The following NALF1 variants were observed in gnomAD, a reference collection of about 807,000 sequenced individuals.
The protein encoded by NALF1 is family with sequence similarity 155 member A.
A neutral mutation model predicts 48.4 loss-of-function variants in NALF1; 3 were observed. The observed-to-expected ratio is 0.06, with a 90% CI of 0.03 to 0.16. NALF1 has a LOEUF of 0.16. Among genes scored for constraint, NALF1 ranks in the 10% least tolerant of loss-of-function variants. NALF1 has a pLI of 1.00. For synonymous variants in NALF1, 262 were observed against 245.7 expected (o/e 1.07, Z -0.62); for missense variants, 526 against 571.5 (o/e 0.92, Z 0.81).
chr13:107,467,908 C>T (rs538625825), intron 1 of NALF1, among the ~76,000 whole-genome samples: 3 of 151,934 alleles, frequency 2.0e-5, no homozygotes, highest in Admixed American at 6.6e-5. Context: ...ATTAGCCGGG[C>T]GTGGTGGCGG....
chr13:107,232,912 T>C (rs1880257206), intron 1 of NALF1, among the ~76,000 whole-genome samples: 1 of 152,196 alleles, frequency 6.6e-6, no homozygotes, highest in African/African-American at 2.4e-5. Flanking sequence ...CCCATCTTTA[T>C]GGATACACGA....
chr13:107,775,743 CCA>C (rs1362520512), intron 1 of NALF1, among the ~76,000 whole-genome samples: 1 of 152,016 alleles, frequency 6.6e-6, no homozygotes, highest in African/African-American at 2.4e-5. Flanking sequence ...TTAATGATTG[CCA>C]TTTAATGAAT....
chr13:107,389,068 G>A (rs1818203850), intron 1 of NALF1, among the ~76,000 whole-genome samples: 1 of 152,160 alleles, frequency 6.6e-6, no homozygotes, highest in South Asian at 2.1e-4. Flanking sequence ...CCTTCCGGTG[G>A]TACCTGTGCT....
chr13:107,837,768 A>T (rs1315862263), intron 1 of NALF1, among the ~76,000 whole-genome samples: 2 of 152,126 alleles, frequency 1.3e-5, no homozygotes, highest in Non-Finnish European at 2.9e-5. Flanking sequence ...GAGAAAAGAC[A>T]TTTGACGAGG....
At chr13:107,659,241 G>A (rs1399873524) in intron 1 of NALF1, among the ~76,000 whole-genome samples, 1 of 152,022 alleles carries the variant, frequency 6.6e-6, no homozygotes, top group East Asian at 1.9e-4. Flanking sequence ...GGGTGAATCA[G>A]GAACCATTTC....
At chr13:107,734,834 G>A (rs1394066955) in intron 1 of NALF1, among the ~76,000 whole-genome samples, 1 of 152,114 alleles carries the variant, frequency 6.6e-6, no homozygotes, top group Admixed American at 6.6e-5. Context: ...GAATTTGTAT[G>A]AGTAATACTG....
intron 1 of NALF1, among the ~76,000 whole-genome samples, chr13:107,376,807 T>C (rs193174277): frequency 2.6e-5 from 4 of 152,336 alleles, no homozygotes; most frequent in South Asian, 4.1e-4. Context: ...CTTTATCTTA[T>C]ATGTTTTAGA....
At chr13:107,536,351 A>G (rs1349351743) in intron 1 of NALF1, among the ~76,000 whole-genome samples, 8 of 152,266 alleles carry the variant, frequency 5.3e-5, no homozygotes, top group South Asian at 4.1e-4. Context: ...CTAATATCCA[A>G]AATCTACAAT....
intron 1 of NALF1, among the ~76,000 whole-genome samples, chr13:107,785,604 A>C (rs906112132): frequency 6.6e-6 from 1 of 152,160 alleles, no homozygotes; most frequent in Non-Finnish European, 1.5e-5. Flanking sequence ...AGTGTATACT[A>C]CCTGGGTTAT....
At chr13:107,512,621 G>A (rs149915256) in intron 1 of NALF1, among the ~76,000 whole-genome samples, 1 of 152,256 alleles carries the variant, frequency 6.6e-6, no homozygotes, top group Non-Finnish European at 1.5e-5. Context: ...CTACCCCACA[G>A]GCAGGGAGGG....
At chr13:107,628,599 G>A (rs1315503064) in intron 1 of NALF1, among the ~76,000 whole-genome samples, 1 of 152,084 alleles carries the variant, frequency 6.6e-6, no homozygotes, top group African/African-American at 2.4e-5. Flanking sequence ...TACATTTCAT[G>A]AAATATGTTT....
chr13:107,633,491 G>C (rs533393714), intron 1 of NALF1, among the ~76,000 whole-genome samples: 1 of 151,812 alleles, frequency 6.6e-6, no homozygotes, highest in African/African-American at 2.4e-5. Context: ...TTCTGTTTTT[G>C]ATGCTAAAAT....
intron 1 of NALF1, among the ~76,000 whole-genome samples, chr13:107,450,826 T>C (rs926553002): frequency 3.9e-5 from 6 of 152,330 alleles, no homozygotes; most frequent in African/African-American, 9.6e-5. Flanking sequence ...TCCAAATTCA[T>C]GTTGCCAATA....
At chr13:107,369,921 A>G (rs2138963583) in intron 1 of NALF1, among the ~76,000 whole-genome samples, 1 of 152,284 alleles carries the variant, frequency 6.6e-6, no homozygotes, top group Middle Eastern at 3.4e-3. Context: ...TCATTTCCTA[A>G]TCCAAAGGAG....
At chr13:107,545,898 A>G (rs1405980917) in intron 1 of NALF1, among the ~76,000 whole-genome samples, 1 of 152,172 alleles carries the variant, frequency 6.6e-6, no homozygotes, top group Non-Finnish European at 1.5e-5. Context: ...CCTGATAACT[A>G]GTTTGCCTCT....
rs1032325334 is a variant in NALF1 at position 107,164,935 on chromosome 13, G to GT, written c.*5561dup. ...GATAACTAACTACTACTGAGCACCTGTTTTGTCCAGGCACATTTATATTAC... is the reference window on the plus strand; with the variant it reads ...GATAACTAACTACTACTGAGCACCTGTTTTTGTCCAGGCACATTTATATTAC... On this transcript the variant is annotated 3_prime_UTR_variant, in exon 3 of 3. Coordinates refer to ENST00000375915, the MANE Select transcript of NALF1 (RefSeq NM_001080396.3). The GT allele has an allele frequency of 3.9e-5, 6 of 152,108 alleles. No individual in the cohort carries two copies. Among genetic ancestry groups the GT allele is most frequent in the African/African-American group, 1.4e-4 (6 of 41,420 alleles). The allele number at this position is 152,108 out of a possible 1,614,324, so 9.4% of individuals were successfully genotyped here. A position where few individuals can be genotyped will look rare whatever the true frequency, so the allele number is the denominator to read the frequency against.
chr13:107,386,658 A>G (rs1378101457), intron 1 of NALF1, among the ~76,000 whole-genome samples: 4 of 152,162 alleles, frequency 2.6e-5, no homozygotes, highest in Non-Finnish European at 4.4e-5. Context: ...GTGACCTCAA[A>G]CTTTAATATG....
At chr13:107,209,613 G>A (rs918785533) in intron 2 of NALF1, among the ~76,000 whole-genome samples, 8 of 152,152 alleles carry the variant, frequency 5.3e-5, no homozygotes. Context: ...ATGTAAATAA[G>A]CGATGCTGAA....
At chr13:107,785,930 G>C (rs1024523956) in intron 1 of NALF1, among the ~76,000 whole-genome samples, 3 of 152,104 alleles carry the variant, frequency 2.0e-5, no homozygotes, top group Non-Finnish European at 2.9e-5. Flanking sequence ...AGAATTGTGG[G>C]CAAGAGGTAG....
Sources: gnomAD v4.1 joint callset for allele counts (sites outside exome capture counted in the v4.1 genomes callset) on GRCh38, gnomAD v4.1.1 for gene constraint, MANE v1.5 for transcripts, NCBI Gene and HGNC (gene_info 2026-07-23, HGNC 2026-07-21) for gene names.